PSG2: variants seen among roughly 807,000 people sequenced by gnomAD.
PSG2 encodes the protein pregnancy-specific beta-1-glycoprotein 2.
In PSG2, 49 loss-of-function variants were observed where a neutral mutation model predicts 36.2. The ratio of observed to expected loss-of-function variants is 1.35; its 90% CI spans 1.08 to 1.72. The LOEUF (loss-of-function observed/expected upper bound fraction) is 1.72. Among genes scored for constraint, PSG2 ranks in the 40% most tolerant of loss-of-function variants. The probability of loss-of-function intolerance (pLI) is 0.00; values close to 1 mark genes in which losing one functional copy is unlikely to be tolerated. For missense variants in PSG2, 605 were observed against 407.2 expected (o/e 1.49, Z -4.18); for synonymous variants, 261 against 155.6 (o/e 1.68, Z -5.04).
At chr19:43,082,278 T>C (rs1967991585) in intron 1 of PSG2, 7 of 593,748 alleles carry the variant, frequency 1.2e-5, no homozygotes, top group Non-Finnish European at 1.9e-5. Context: ...GTAGCTGGAA[T>C]TACAGGAACA....
At chr19:43,064,918 G>T (rs1035816896) in intron 5 of PSG2, among the ~76,000 whole-genome samples, 1 of 151,674 alleles carries the variant, frequency 6.6e-6, no homozygotes, top group Non-Finnish European at 1.5e-5. Flanking sequence ...TGCAAGCTCC[G>T]CCTCCGCGGT....
rs140128993 is a variant in PSG2, at chr19:43,074,392, C to G, written c.709+962G>C. ...TCTTTCAGCAATGTTTTGTAGTTTT[C>G]AAGGTATAATCATTTGACCTTTTTG... On this transcript the variant is annotated intron_variant, in intron 3 of 5. Transcript: ENST00000406487. Among the ~76,000 whole-genome samples, 1,363 of 151,766 alleles carry G rather than the reference C, an allele frequency of 9.0e-3. 22 individuals carry two copies. The highest frequency in any genetic ancestry group is 0.014 in the Non-Finnish European group (976 of 67,974).
At chr19:43,070,287 G>T (rs755184487) in intron 4 of PSG2, among the ~76,000 whole-genome samples, 10 of 151,706 alleles carry the variant, frequency 6.6e-5, no homozygotes, top group Non-Finnish European at 1.2e-4. Flanking sequence ...AAAAATTGGT[G>T]TGCTGTTTCT....
At chr19:43,072,041 G>A (rs1967826407) in intron 3 of PSG2, 87 bp from the exon 4 acceptor site, 2 of 1,519,864 alleles carry the variant, frequency 1.3e-6, no homozygotes, top group South Asian at 1.2e-5. Context: ...GTGACCCTCT[G>A]AGACAAGACA....
At chr19:43,072,029 C>T in intron 3 of PSG2, 75 bp from the exon 4 acceptor site, 1 of 1,549,254 alleles carries the variant, frequency 6.5e-7, no homozygotes, top group Non-Finnish European at 8.8e-7. Context: ...TAAAGGGACA[C>T]AGTGACCCTC....
At chr19:43,078,863 C>G (rs1967932871) in intron 2 of PSG2, among the ~76,000 whole-genome samples, 1 of 151,558 alleles carries the variant, frequency 6.6e-6, no homozygotes, top group Non-Finnish European at 1.5e-5. Context: ...ACTTCCTATC[C>G]CTGTCCCATG....
chr19:43,077,183 T>C lies in PSG2; in HGVS notation c.431-1551A>G, dbSNP rs1183519498. On this transcript the variant is annotated intron_variant, in intron 2 of 5. Coordinates refer to ENST00000406487, the MANE Select transcript of PSG2 (RefSeq NM_031246.4). Reference sequence around the variant, plus strand: ...AGTAGTATTTCTCCTGAGACCAAAATAAGGTTTAGGTGTGCCGTGAATTCC... The same window carrying C: ...AGTAGTATTTCTCCTGAGACCAAAACAAGGTTTAGGTGTGCCGTGAATTCC... Among the ~76,000 whole-genome samples, 4 of 151,658 alleles carry C rather than the reference T, an allele frequency of 2.6e-5. No homozygotes were observed. The East Asian group carries it at 7.7e-4, about 29-fold the overall frequency.
In PSG2 at chr19:43,075,623, G is replaced by T. The variant is rs771436678; in HGVS notation, c.440C>A (p.Pro147His). Residue 147 changes from proline to histidine, a missense_variant, in exon 3 of 6, where the codon CCC (proline) becomes CAC (histidine). By Grantham distance (77) the Pro-to-His change is moderately conservative. Transcript: ENST00000406487. ...GTTGCTGCTGGAGATGGAGGGCTTG[G>T]GAGTCTCCACTGTGCAGAAAACAGA... ...YFTFTLYLET[P>H]KPSISSSNLN... is the part of the protein sequence containing the mutation. The T allele has an allele frequency of 6.2e-7, 1 of 1,612,554 alleles. No homozygotes were observed.
chr19:43,082,261 C>G, intron 1 of PSG2: 2 of 513,970 alleles, frequency 3.9e-6, no homozygotes, highest in Admixed American at 3.5e-5. Context: ...CTGCCACAGC[C>G]TCCTGAGTAG....
At chr19:43,069,593 C>A (rs1387792869) in intron 4 of PSG2, among the ~76,000 whole-genome samples, 2 of 151,668 alleles carry the variant, frequency 1.3e-5, no homozygotes, top group East Asian at 3.9e-4. Flanking sequence ...GTGCCAAGAT[C>A]ATTCAATGGG....
intron 3 of PSG2, among the ~76,000 whole-genome samples, chr19:43,073,435 G>T (rs148924756): frequency 6.6e-6 from 1 of 151,648 alleles, no homozygotes; most frequent in African/African-American, 2.4e-5. Context: ...AAATACATGC[G>T]GACATTTGCA....
intron 4 of PSG2, 118 bp downstream of exon 4, chr19:43,071,582 G>A: frequency 6.2e-7 from 1 of 1,608,368 alleles, no homozygotes; most frequent in South Asian, 1.1e-5. Context: ...GAGAATTTGG[G>A]ATTTGCTTTT....
intron 4 of PSG2, among the ~76,000 whole-genome samples, chr19:43,071,435 C>A (rs1042035793): frequency 6.6e-6 from 1 of 151,636 alleles, no homozygotes; most frequent in Non-Finnish European, 1.5e-5. Context: ...CTCTGTGAAG[C>A]CTCTTCTACC....
intron 3 of PSG2, 68 bp downstream of exon 3, chr19:43,075,286 A>G: frequency 6.2e-7 from 1 of 1,612,648 alleles, no homozygotes. Flanking sequence ...AGGGACTGAG[A>G]GGCCTGGCCT....
chr19:43,082,251 C>T, intron 1 of PSG2: 4 of 451,540 alleles, frequency 8.9e-6, no homozygotes, highest in South Asian at 2.4e-5. Context: ...CGTGATTCTC[C>T]TGCCACAGCC....
Position 43,080,855 on chromosome 19 carries a change from C to T in PSG2, c.430+26G>A, listed in dbSNP as rs565978585. The T allele has an allele frequency of 1.7e-5, 28 of 1,611,770 alleles. No homozygotes were observed. The South Asian group carries it at 2.9e-4, about 16-fold the overall frequency. ...TAGAAATGACCCCTGTCCCCCAACACCCAGGGATCATGTGGAATCACTTAC... is the reference window on the plus strand; with the variant it reads ...TAGAAATGACCCCTGTCCCCCAACATCCAGGGATCATGTGGAATCACTTAC... On this transcript the variant is annotated intron_variant, in intron 2 of 5. Transcript: ENST00000406487.
intron 4 of PSG2, 113 bp from the exon 5 acceptor site, chr19:43,066,713 A>T: frequency 2.2e-6 from 3 of 1,380,644 alleles, no homozygotes; most frequent in Non-Finnish European, 2.0e-6. Context: ...TTCAAGGACC[A>T]CATTATTTCT....
At chr19:43,081,308 G>T (rs908809412) in intron 1 of PSG2, 62 bp from the exon 2 acceptor site, 6 of 1,562,358 alleles carry the variant, frequency 3.8e-6, no homozygotes, top group Admixed American at 1.8e-5. Context: ...AAAAGATGGG[G>T]CCCTGGGTCC....
At chr19:43,075,789 C>T (rs1206890434) in intron 2 of PSG2, among the ~76,000 whole-genome samples, 157 bp from the exon 3 acceptor site, 2 of 151,694 alleles carry the variant, frequency 1.3e-5, no homozygotes. Context: ...GCATGGCAAT[C>T]TGAGGGCTCA....
Sources: gnomAD v4.1 joint callset for allele counts (sites outside exome capture counted in the v4.1 genomes callset) on GRCh38, gnomAD v4.1.1 for gene constraint, MANE v1.5 for transcripts, NCBI Gene and HGNC (gene_info 2026-07-23, HGNC 2026-07-21) for gene names.